The following FMNL2 variants were observed in gnomAD, a reference collection of about 807,000 sequenced individuals.
FMNL2 encodes the protein formin like 2, also known as formin-like protein 2.
In FMNL2, 51 loss-of-function variants were observed where a neutral mutation model predicts 130.2. That is an observed-to-expected ratio of 0.39 (90% CI 0.31 to 0.49). FMNL2 has a LOEUF of 0.49. Among genes scored for constraint, FMNL2 ranks in the 20% least tolerant of loss-of-function variants. The pLI is 0.85. For missense variants in FMNL2, 977 were observed against 1,316.2 expected (o/e 0.74, Z 3.99); for synonymous variants, 465 against 467.1 (o/e 1.00, Z 0.06).
chr2:152,510,573 G>A lies in FMNL2; in HGVS notation c.118-11370G>A, dbSNP rs1692445508. The stretch of plus-strand genomic sequence containing the variant: ...TTATGTGTGAATTAACTTGTTGATT[G>A]TTGGTGTTGACCATAAAAATACCAG... On this transcript the variant is annotated intron_variant, in intron 1 of 25. Transcript: ENST00000288670. Among the ~76,000 whole-genome samples, 2 of 152,172 alleles carry A rather than the reference G, an allele frequency of 1.3e-5. 1 individual carries two copies. Among genetic ancestry groups the A allele is most frequent in the South Asian group, 4.1e-4 (2 of 4,832 alleles).
chr2:152,544,033 A>G (rs62181862), intron 3 of FMNL2, among the ~76,000 whole-genome samples: 31,110 of 152,118 alleles, frequency 0.2, 3,324 homozygotes, highest in Non-Finnish European at 0.24. Flanking sequence ...AAATGAGACT[A>G]TTGTTCAGTT....
At chr2:152,340,567 T>G (rs2105726816) in intron 1 of FMNL2, among the ~76,000 whole-genome samples, 1 of 152,358 alleles carries the variant, frequency 6.6e-6, no homozygotes, top group African/African-American at 2.4e-5. Flanking sequence ...CAAGGCAGAT[T>G]TGAAATACCT....
intron 1 of FMNL2, among the ~76,000 whole-genome samples, chr2:152,348,665 C>T (rs1682269916): frequency 6.6e-6 from 1 of 152,170 alleles, no homozygotes; most frequent in South Asian, 2.1e-4. Context: ...GCTTCCCTGA[C>T]TCCTTGTGAA....
chr2:152,426,184 A>G (rs971566601), intron 1 of FMNL2, among the ~76,000 whole-genome samples: 4 of 152,208 alleles, frequency 2.6e-5, no homozygotes, highest in Admixed American at 1.3e-4. Context: ...TTAGGCCACA[A>G]TGGACCTTGA....
At chr2:152,589,774 A>G (rs1397194765) in intron 9 of FMNL2, among the ~76,000 whole-genome samples, 1 of 151,458 alleles carries the variant, frequency 6.6e-6, no homozygotes, top group East Asian at 1.9e-4. Context: ...TATTTCGTGA[A>G]AGGCCTATTT....
At chr2:152,441,357 G>A (rs1286897702) in intron 1 of FMNL2, among the ~76,000 whole-genome samples, 1 of 152,158 alleles carries the variant, frequency 6.6e-6, no homozygotes, top group Non-Finnish European at 1.5e-5. Context: ...GGAAGAGGTG[G>A]GATTTGAACC....
intron 1 of FMNL2, among the ~76,000 whole-genome samples, chr2:152,427,768 T>A (rs1486589684): frequency 1.3e-5 from 2 of 152,182 alleles, no homozygotes; most frequent in Non-Finnish European, 2.9e-5. Flanking sequence ...TCTATGAAGC[T>A]TCTTATAAAT....
chr2:152,468,002 G>C (rs1324932153), intron 1 of FMNL2, among the ~76,000 whole-genome samples: 1 of 152,244 alleles, frequency 6.6e-6, no homozygotes, highest in Non-Finnish European at 1.5e-5. Context: ...AAGCTGGGCA[G>C]TTGGCCTCCA....
Position 152,375,877 on chromosome 2 carries a change from C to CTCTATA in FMNL2, c.117+40158_117+40159insCTATAT, listed in dbSNP as rs796954245. Among the ~76,000 whole-genome samples, 796 of 112,438 alleles carry CTCTATA rather than the reference C, an allele frequency of 7.1e-3. 6 individuals carry two copies. Among genetic ancestry groups the CTCTATA allele is most frequent in the African/African-American group, 0.016 (471 of 28,904 alleles). 73.8% of individuals were successfully genotyped at this position (112,438 alleles called of 152,430 possible). A position where few individuals can be genotyped will look rare whatever the true frequency, so the allele number is the denominator to read the frequency against. ...TCTCTCTCTCTCTCTCTCTCTCTCT[C>CTCTATA]TATATATATATATATATATAATTAT... is the stretch of plus-strand genomic sequence containing the variant. On this transcript the variant is annotated intron_variant, in intron 1 of 25. Transcript: ENST00000288670.
At chr2:152,643,359 A>C in intron 25 of FMNL2, 1 of 1,534,088 alleles carries the variant, frequency 6.5e-7, no homozygotes, top group Non-Finnish European at 8.7e-7. Context: ...TACTAATGCA[A>C]TAGATCTTGG....
intron 1 of FMNL2, among the ~76,000 whole-genome samples, chr2:152,506,626 A>G (rs1692184717): frequency 6.6e-6 from 1 of 152,156 alleles, no homozygotes; most frequent in East Asian, 1.9e-4. Context: ...TAGTAATATC[A>G]GGTGTGATGG....
chr2:152,622,349 T>A (rs1050907128), intron 15 of FMNL2, among the ~76,000 whole-genome samples: 1 of 152,240 alleles, frequency 6.6e-6, no homozygotes, highest in African/African-American at 2.4e-5. Flanking sequence ...AGGATAATTT[T>A]AAAAATGAAA....
chr2:152,526,986 G>A (rs1693426623), intron 2 of FMNL2, among the ~76,000 whole-genome samples: 1 of 151,872 alleles, frequency 6.6e-6, no homozygotes, highest in African/African-American at 2.4e-5. Flanking sequence ...TTGCTCAAAT[G>A]ATAATCTGGT....
At chr2:152,351,110 A>G (rs933020734) in intron 1 of FMNL2, among the ~76,000 whole-genome samples, 17 of 152,186 alleles carry the variant, frequency 1.1e-4, no homozygotes, top group African/African-American at 4.1e-4. Flanking sequence ...TGTATAGTTA[A>G]AATTATCCCA....
At chr2:152,643,018 C>T (rs58546403) in intron 25 of FMNL2, among the ~76,000 whole-genome samples, 1 of 149,324 alleles carries the variant, frequency 6.7e-6, no homozygotes, top group Admixed American at 6.7e-5. Flanking sequence ...CAAAAAAAAA[C>T]AAAACAAAAC....
At chr2:152,613,156 T>A (rs1698775891) in intron 11 of FMNL2, among the ~76,000 whole-genome samples, 3 of 152,232 alleles carry the variant, frequency 2.0e-5, no homozygotes, top group Admixed American at 2.0e-4. Flanking sequence ...CTTTCCTTTT[T>A]ATTTAAAGGC....
At chr2:152,395,496 A>G (rs1009903996) in intron 1 of FMNL2, among the ~76,000 whole-genome samples, 5 of 152,242 alleles carry the variant, frequency 3.3e-5, no homozygotes, top group African/African-American at 7.2e-5. Context: ...TGTCTCCACA[A>G]TGGTTCTCAG....
chr2:152,515,533 C>CAG (rs1346749191), intron 1 of FMNL2, among the ~76,000 whole-genome samples: 1 of 152,140 alleles, frequency 6.6e-6, no homozygotes, highest in Non-Finnish European at 1.5e-5. Flanking sequence ...GTGCTAATGA[C>CAG]TGTGTCTGGT....
chr2:152,423,459 A>G (rs962058510), intron 1 of FMNL2, among the ~76,000 whole-genome samples: 16 of 152,224 alleles, frequency 1.1e-4, no homozygotes, highest in Non-Finnish European at 1.9e-4. Context: ...GAGACCAGAA[A>G]GAATGGGGGA....
Sources: allele counts gnomAD v4.1 joint callset (sites outside exome capture counted in the v4.1 genomes callset), GRCh38; gene constraint gnomAD v4.1.1; transcripts MANE v1.5; gene names NCBI Gene and HGNC (gene_info 2026-07-23, HGNC 2026-07-21).